Variants in TMEM269 observed in about 807,000 individuals in gnomAD.
The protein encoded by TMEM269 is transmembrane protein 269.
Under a neutral mutation model 15.8 loss-of-function variants are expected in TMEM269, and 12 were observed. That is an observed-to-expected ratio of 0.76 (90% CI 0.49 to 1.23). TMEM269 has a LOEUF of 1.23. Ranked by LOEUF, TMEM269 falls within the 50% of genes most tolerant of loss-of-function variation. The pLI, the probability that TMEM269 is intolerant of heterozygous loss-of-function variation, is 0.00. For missense variants in TMEM269, 211 were observed against 245.4 expected, an observed-to-expected ratio of 0.86 and a Z score of 0.94; for synonymous variants, 93 against 99.3, an observed-to-expected ratio of 0.94 and a Z score of 0.38.
chr1:42,789,732 C>T (rs1341245996), intron 1 of TMEM269, 64 bp from the exon 2 acceptor site: 1 of 946,492 alleles, frequency 1.1e-6, no homozygotes, highest in Non-Finnish European at 1.7e-6. Context: ...GAACAGGTCC[C>T]TGGGAGCCTC....
rs113253622 is a variant in TMEM269, at chr1:42,799,928, A to G, written c.*1703A>G. 4.3e-4 allele frequency: 66 copies of G among 152,350 alleles called. No individual in the cohort carries two copies. Among genetic ancestry groups the G allele is most frequent in the African/African-American group, 1.4e-3 (60 of 41,586 alleles). The allele number at this position is 152,350 out of a possible 1,614,324, so 9.4% of individuals were successfully genotyped here. A position where few individuals can be genotyped will look rare whatever the true frequency, so the allele number is the denominator to read the frequency against. On this transcript the variant is annotated 3_prime_UTR_variant, in exon 6 of 6. Coordinates refer to ENST00000637012, the MANE Select transcript of TMEM269 (RefSeq NM_001354602.2). The stretch of plus-strand genomic sequence containing the variant: ...GAACTAAATTTTTTCCAAAAACCTA[A>G]CATTTGAGATTAGCCAATTATGTCG...
chr1:42,785,741 G>T (rs1653530425), intron 1 of TMEM269, among the ~76,000 whole-genome samples: 1 of 152,188 alleles, frequency 6.6e-6, no homozygotes, highest in Non-Finnish European at 1.5e-5. Flanking sequence ...TCGTGCTTCC[G>T]CACCTGCGGT....
Position 42,800,315 on chromosome 1 carries a change from G to C in TMEM269, c.*2090G>C, listed in dbSNP as rs377416957. The C allele has an allele frequency of 6.6e-6, 1 of 152,192 alleles. No homozygotes were observed. The highest frequency in any genetic ancestry group is 1.5e-5 in the Non-Finnish European group (1 of 68,002). The allele number at this position is 152,192 out of a possible 1,614,324, so 9.4% of individuals were successfully genotyped here. A position where few individuals can be genotyped will look rare whatever the true frequency, so the allele number is the denominator to read the frequency against. On this transcript the variant is annotated 3_prime_UTR_variant, in exon 6 of 6. Transcript: ENST00000637012. ...TGAGAGTATGGTTATACTTCTATAC[G>C]GGCTTGAGGGTCTCAGATACTAAGG...
chr1:42,797,741 C>T lies in TMEM269; in HGVS notation c.485-357C>T. ...TATCATACTGCATTGGTCGTTATCA[C>T]ATGTTAAATTTAAAACAATGAGGAA... On this transcript the variant is annotated intron_variant, in intron 5 of 5. Coordinates refer to ENST00000637012, the MANE Select transcript of TMEM269 (RefSeq NM_001354602.2). The surrounding 1 kb of genome is among the most constrained non-coding windows in gnomAD (Gnocchi z 4.9). 2.1e-6 allele frequency: 1 copy of T among 476,970 alleles called. No individual in the cohort carries two copies. The highest frequency in any genetic ancestry group is 4.3e-6 in the Non-Finnish European group (1 of 233,918). The allele number at this position is 476,970 out of a possible 1,614,324, so 29.5% of individuals were successfully genotyped here.
chr1:42,792,984 C>A, intron 3 of TMEM269, 82 bp downstream of exon 3: 1 of 1,099,822 alleles, frequency 9.1e-7, no homozygotes, highest in Non-Finnish European at 1.4e-6. Context: ...CTCTAACATC[C>A]CGCAGGCCTT....
chr1:42,786,411 G>A (rs1653543247), intron 1 of TMEM269, among the ~76,000 whole-genome samples: 1 of 152,214 alleles, frequency 6.6e-6, no homozygotes, highest in Non-Finnish European at 1.5e-5. Context: ...ACGTGCTCAG[G>A]GGTGATGTCA....
At chr1:42,790,078 G>A in intron 2 of TMEM269, 144 bp downstream of exon 2, 1 of 631,960 alleles carries the variant, frequency 1.6e-6, no homozygotes, top group East Asian at 2.7e-5. Context: ...GGAGTCAAGA[G>A]GCCAAGATCC....
Position 42,800,575 on chromosome 1 carries a change from C to T in TMEM269, c.*2350C>T, listed in dbSNP as rs1653872766. ...CCCTTCTTCCTAACCTGAAGTCCTA[C>T]TTCTGTGTCTGATAAGCGGAATCAA... On this transcript the variant is annotated 3_prime_UTR_variant, in exon 6 of 6. Transcript: ENST00000637012. 1 of 152,196 alleles carries T rather than the reference C, an allele frequency of 6.6e-6. No individual in the cohort carries two copies. The highest frequency in any genetic ancestry group is 6.5e-5 in the Admixed American group (1 of 15,272). The allele number at this position is 152,196 out of a possible 1,614,324, so 9.4% of individuals were successfully genotyped here. A position where few individuals can be genotyped will look rare whatever the true frequency, so the allele number is the denominator to read the frequency against.
intron 2 of TMEM269, 81 bp from the exon 3 acceptor site, chr1:42,792,724 T>A: frequency 1.2e-6 from 1 of 805,120 alleles, no homozygotes; most frequent in East Asian, 2.7e-5. Flanking sequence ...TATACTAATA[T>A]ACTAATGGGG....
intron 2 of TMEM269, among the ~76,000 whole-genome samples, chr1:42,791,092 A>C (rs1274221001): frequency 1.3e-5 from 2 of 152,202 alleles, no homozygotes; most frequent in African/African-American, 4.8e-5. Flanking sequence ...ATCAAAATAC[A>C]TGAGGCAAAA....
rs1228625862 is a variant in TMEM269 at position 42,800,596 on chromosome 1, A to C, written c.*2371A>C. 6.6e-6 allele frequency: 1 copy of C among 152,178 alleles called. No homozygotes were observed. Among genetic ancestry groups the C allele is most frequent in the Non-Finnish European group, 1.5e-5 (1 of 68,026 alleles). 9.4% of individuals were successfully genotyped at this position (152,178 alleles called of 1,614,324 possible). The stretch of plus-strand genomic sequence containing the variant: ...CCTACTTCTGTGTCTGATAAGCGGA[A>C]TCAAGTGACTGAGAATTCTGCTACT... On this transcript the variant is annotated 3_prime_UTR_variant, in exon 6 of 6. Transcript: ENST00000637012.
chr1:42,794,351 G>C, intron 4 of TMEM269, 62 bp from the exon 5 acceptor site: 2 of 1,283,586 alleles, frequency 1.6e-6, no homozygotes, highest in South Asian at 2.6e-5. Flanking sequence ...AGAGGGGCTT[G>C]CTTCATTTTG....
At chr1:42,785,733 G>A (rs550325600) in intron 1 of TMEM269, among the ~76,000 whole-genome samples, 1 of 152,254 alleles carries the variant, frequency 6.6e-6, no homozygotes, top group African/African-American at 2.4e-5. Context: ...TCTCCTCATC[G>A]TGCTTCCGCA....
intron 1 of TMEM269, 24 bp downstream of exon 1, chr1:42,785,106 A>C (rs1038074217): frequency 6.6e-6 from 1 of 152,314 alleles, no homozygotes; most frequent in Non-Finnish European, 1.5e-5. Flanking sequence ...GCCGCGTGGA[A>C]GGGGCGAGAA....
intron 2 of TMEM269, among the ~76,000 whole-genome samples, chr1:42,790,739 A>C (rs1305312634): frequency 2.0e-5 from 3 of 151,896 alleles, no homozygotes; most frequent in Non-Finnish European, 4.4e-5. Context: ...AGCCCAGAAA[A>C]TTTCTATCCT....
rs115112652 is a variant in TMEM269, at chr1:42,797,359, G to A, written c.485-739G>A. On this transcript the variant is annotated intron_variant, in intron 5 of 5. Transcript: ENST00000637012. This position sits in a 1 kb window ranked among gnomAD's most constrained non-coding sequence, Gnocchi z 4.9. ...GAGTCCTCTCCCAGTAGAGTCACAC[G>A]AGATGCACTTAATTCCTCAGCACTG... Among the ~76,000 whole-genome samples the A allele has an allele frequency of 0.014, 2,184 of 152,242 alleles. 64 individuals are homozygous for A. The highest frequency in any genetic ancestry group is 0.11 in the South Asian group (534 of 4,816).
chr1:42,795,380 C>A (rs6600424), intron 5 of TMEM269, among the ~76,000 whole-genome samples: 11,296 of 152,156 alleles, frequency 0.074, 831 homozygotes, highest in African/African-American at 0.19. Context: ...AAATGAGGAG[C>A]CTCTAAAGGG....
At position 42,797,779 on chromosome 1, in the gene TMEM269, C is replaced by T. The variant is rs1553147124; in HGVS notation, c.485-319C>T. ...AAACAATGAGGAAGATTTTTTTTTCCTAACAAGGGTTTTTGGTTTTTGTCT... is the reference window on the plus strand; with the variant it reads ...AAACAATGAGGAAGATTTTTTTTTCTTAACAAGGGTTTTTGGTTTTTGTCT... On this transcript the variant is annotated intron_variant, in intron 5 of 5. Transcript: ENST00000637012. The surrounding 1 kb of genome is among the most constrained non-coding windows in gnomAD (Gnocchi z 4.9). 2.0e-6 allele frequency: 1 copy of T among 508,356 alleles called. No homozygotes were observed. The highest frequency in any genetic ancestry group is 2.0e-5 in the African/African-American group (1 of 51,092). 31.5% of individuals were successfully genotyped at this position (508,356 alleles called of 1,614,324 possible). A position where few individuals can be genotyped will look rare whatever the true frequency, so the allele number is the denominator to read the frequency against.
At position 42,789,792 on chromosome 1, in the gene TMEM269, C is replaced by T. The variant is rs1653648663; in HGVS notation, c.-98-4C>T. 2.7e-6 allele frequency: 4 copies of T among 1,477,752 alleles called. No homozygotes were observed. Among genetic ancestry groups the T allele is most frequent in the Non-Finnish European group, 3.7e-6 (4 of 1,080,442 alleles). 91.5% of individuals were successfully genotyped at this position (1,477,752 alleles called of 1,614,324 possible). A position where few individuals can be genotyped will look rare whatever the true frequency, so the allele number is the denominator to read the frequency against. On this transcript the variant is annotated splice_polypyrimidine_tract_variant and splice_region_variant and intron_variant, in intron 1 of 5. Coordinates refer to ENST00000637012, the MANE Select transcript of TMEM269 (RefSeq NM_001354602.2). ...ACCCTTCGCCCCTCTCTCTTGGGCCCCAGGTAAGGGTACCAGTTTCTTCCT... is the reference window on the plus strand; with the variant it reads ...ACCCTTCGCCCCTCTCTCTTGGGCCTCAGGTAAGGGTACCAGTTTCTTCCT...
Sources: gnomAD v4.1 joint callset for allele counts (sites outside exome capture counted in the v4.1 genomes callset) on GRCh38, gnomAD v4.1.1 for gene constraint, Gnocchi (gnomAD v3.1) non-coding constraint, MANE v1.5 for transcripts, NCBI Gene and HGNC (gene_info 2026-07-23, HGNC 2026-07-21) for gene names.